Variants in MLIP observed in about 807,000 individuals in gnomAD.
The protein encoded by MLIP is muscular LMNA-interacting protein.
In MLIP, 79 loss-of-function variants were observed where a neutral mutation model predicts 84.8. That is an observed-to-expected ratio of 0.93 (90% CI 0.78 to 1.12). The LOEUF (loss-of-function observed/expected upper bound fraction) is 1.12, where lower values mean the gene tolerates loss of function less well. Among genes scored for constraint, MLIP ranks in the 50% most tolerant of loss-of-function variants. The pLI is 0.00. For missense variants in MLIP, 1,257 were observed against 1,160.6 expected, an observed-to-expected ratio of 1.08 and a Z score of -1.21; for synonymous variants, 504 against 463.0, an observed-to-expected ratio of 1.09 and a Z score of -1.14.
intron 12 of MLIP, among the ~76,000 whole-genome samples, chr6:54,249,436 T>C (rs1782303948): frequency 6.6e-6 from 1 of 152,084 alleles, no homozygotes; most frequent in African/African-American, 2.4e-5. Flanking sequence ...TTTGGCCTAA[T>C]ACAGATTAAA....
intron 12 of MLIP, among the ~76,000 whole-genome samples, chr6:54,252,359 C>A (rs1296397416): frequency 1.9e-5 from 2 of 103,772 alleles, no homozygotes; most frequent in East Asian, 5.3e-4. Flanking sequence ...CTATAATATA[C>A]CATATACTAT....
At position 54,124,713 on chromosome 6, in the gene MLIP, A is replaced by T; in HGVS notation, c.493A>T (p.Ile165Phe). 1 of 1,614,140 alleles carries T rather than the reference A, an allele frequency of 6.2e-7. No homozygotes were observed. The highest frequency in any genetic ancestry group is 8.5e-7 in the Non-Finnish European group (1 of 1,180,020). Reference sequence around the variant, plus strand: ...AGTTGAACAAGGCCCCCCAGGGGGGATTGGCACCGCAGCTGTCCGGCCCAA... The same window carrying T: ...AGTTGAACAAGGCCCCCCAGGGGGGTTTGGCACCGCAGCTGTCCGGCCCAA... ...RKVEQGPPGG[I>F]GTAAVRPKSL... The change falls in exon 3 of 14, where the codon ATT becomes TTT. Residue 165 changes from isoleucine (I) to phenylalanine (F), a missense_variant. By Grantham distance (21) the Ile-to-Phe change is conservative. Coordinates refer to ENST00000502396, the MANE Select transcript of MLIP (RefSeq NM_001281747.2).
At chr6:54,034,418 G>T (rs1764310414) in intron 1 of MLIP, among the ~76,000 whole-genome samples, 1 of 152,164 alleles carries the variant, frequency 6.6e-6, no homozygotes, top group Non-Finnish European at 1.5e-5. Flanking sequence ...CATATATGAT[G>T]GTGGTCATAT....
chr6:54,025,969 T>A (rs1763779160), intron 1 of MLIP, among the ~76,000 whole-genome samples: 1 of 152,118 alleles, frequency 6.6e-6, no homozygotes, highest in South Asian at 2.1e-4. Flanking sequence ...AGAGTTGACA[T>A]CTAAAATACC....
At chr6:54,151,711 T>C (rs865787815) in intron 5 of MLIP, among the ~76,000 whole-genome samples, 3 of 152,152 alleles carry the variant, frequency 2.0e-5, no homozygotes, top group East Asian at 1.9e-4. Context: ...ATCTCTCCAA[T>C]TGGATTAAAC....
intron 12 of MLIP, among the ~76,000 whole-genome samples, chr6:54,239,632 A>G (rs1434353325): frequency 6.7e-6 from 1 of 150,204 alleles, no homozygotes; most frequent in Non-Finnish European, 1.5e-5. Flanking sequence ...ACAAAAAAAA[A>G]AAAAATTAGC....
upstream of MLIP, chr6:54,111,437 C>A (rs1045326556): frequency 3.3e-6 from 5 of 1,534,974 alleles, no homozygotes; most frequent in African/African-American, 5.5e-5. Flanking sequence ...GCTCCCTTCC[C>A]ACCTCAGTCA....
intron 9 of MLIP, among the ~76,000 whole-genome samples, chr6:54,183,982 A>G (rs758860447): frequency 1.3e-5 from 2 of 152,046 alleles, no homozygotes; most frequent in Non-Finnish European, 2.9e-5. Context: ...TACAAACAAT[A>G]AGAACACTCT....
At chr6:54,260,607 A>C (rs1396715296) in intron 13 of MLIP, among the ~76,000 whole-genome samples, 1 of 151,968 alleles carries the variant, frequency 6.6e-6, no homozygotes, top group Non-Finnish European at 1.5e-5. Context: ...TAAAAGTAGG[A>C]GGATCATGAA....
intron 1 of MLIP, among the ~76,000 whole-genome samples, chr6:54,098,157 T>C (rs1046368466): frequency 4.0e-5 from 6 of 148,274 alleles, no homozygotes; most frequent in Non-Finnish European, 6.0e-5. Flanking sequence ...TCTTTTTTTT[T>C]TTTTTTTTTT....
At chr6:54,169,283 A>G (rs1341393847) in intron 8 of MLIP, among the ~76,000 whole-genome samples, 3 of 151,744 alleles carry the variant, frequency 2.0e-5, no homozygotes, top group African/African-American at 4.8e-5. Context: ...GGAAAGAACT[A>G]TTATGATCCA....
chr6:54,056,011 A>G (rs1765640704), intron 1 of MLIP, among the ~76,000 whole-genome samples: 4 of 152,152 alleles, frequency 2.6e-5, no homozygotes. Context: ...TATTTTTTTA[A>G]TATTTTAAAA....
intron 1 of MLIP, among the ~76,000 whole-genome samples, chr6:54,106,401 A>C (rs1185189258): frequency 1.3e-5 from 2 of 152,144 alleles, no homozygotes; most frequent in South Asian, 4.1e-4. Flanking sequence ...GGTTCATCAG[A>C]CCATCCATAT....
At chr6:54,251,804 ATATAT>A (rs1428599543) in intron 12 of MLIP, among the ~76,000 whole-genome samples, 1 of 97,108 alleles carries the variant, frequency 1.0e-5, no homozygotes, top group Non-Finnish European at 1.8e-5. Context: ...ATATAAATAT[ATATAT>A]TATAACAGAT....
At chr6:54,230,418 T>C (rs1780904186) in intron 11 of MLIP, among the ~76,000 whole-genome samples, 1 of 152,170 alleles carries the variant, frequency 6.6e-6, no homozygotes, top group South Asian at 2.1e-4. Flanking sequence ...TCTTCTTCCT[T>C]ACAGATATCT....
intron 5 of MLIP, 38 bp downstream of exon 5, chr6:54,149,165 T>C: frequency 2.0e-6 from 3 of 1,532,656 alleles, no homozygotes; most frequent in Non-Finnish European, 2.7e-6. Flanking sequence ...TTTACATTTT[T>C]AATGTGATTT....
intron 3 of MLIP, among the ~76,000 whole-genome samples, chr6:54,132,974 G>A (rs1229045782): frequency 9.9e-5 from 15 of 152,120 alleles, no homozygotes; most frequent in Admixed American, 9.8e-4. Context: ...TGCTGGGATT[G>A]GTTTAAGAAT....
At chr6:54,241,511 T>C (rs1338821063) in intron 12 of MLIP, among the ~76,000 whole-genome samples, 1 of 152,174 alleles carries the variant, frequency 6.6e-6, no homozygotes, top group Non-Finnish European at 1.5e-5. Flanking sequence ...TAACTTTTTC[T>C]GGTATGCTAC....
chr6:54,258,813 A>G (rs1386296650), intron 13 of MLIP, among the ~76,000 whole-genome samples: 1 of 151,992 alleles, frequency 6.6e-6, no homozygotes, highest in Non-Finnish European at 1.5e-5. Flanking sequence ...CTAAAGTCAA[A>G]TAGCTAGGAA....
Sources: gnomAD v4.1 joint callset for allele counts (sites outside exome capture counted in the v4.1 genomes callset) on GRCh38, gnomAD v4.1.1 for gene constraint, MANE v1.5 for transcripts, NCBI Gene and HGNC (gene_info 2026-07-23, HGNC 2026-07-21) for gene names.